Variants in TPTE observed in about 807,000 individuals in gnomAD.
TPTE encodes the protein transmembrane phosphatase with tensin homology.
TPTE carries 59 observed loss-of-function variants against 84.1 expected under a neutral mutation model. The observed-to-expected ratio is 0.70, with a 90% CI of 0.57 to 0.87. The LOEUF (loss-of-function observed/expected upper bound fraction) is 0.87. Ranked by LOEUF, TPTE falls within the 40% of genes least tolerant of loss-of-function variation. The pLI is 0.00. For missense variants in TPTE, 382 were observed against 659.6 expected, an observed-to-expected ratio of 0.58 and a Z score of 4.61; for synonymous variants, 130 against 223.5, an observed-to-expected ratio of 0.58 and a Z score of 3.73.
chr21:10,551,236 T>A (rs1447428997), intron 7 of TPTE, among the ~76,000 whole-genome samples: 1,508 of 133,428 alleles, frequency 0.011, no homozygotes, highest in African/African-American at 0.042. Context: ...AATTGAACAA[T>A]GAGAACACTC....
chr21:10,538,311 TGAA>T (rs1418122718), intron 3 of TPTE, among the ~76,000 whole-genome samples: 48 of 152,288 alleles, frequency 3.2e-4, no homozygotes, highest in Admixed American at 7.2e-4. Context: ...GACAATCAAG[TGAA>T]GAAGTAATGG....
chr21:10,523,110 T>G (rs1231819935), intron 1 of TPTE, among the ~76,000 whole-genome samples: 2 of 152,308 alleles, frequency 1.3e-5, no homozygotes, highest in Non-Finnish European at 2.9e-5. Flanking sequence ...CAAAGGAAGC[T>G]GAACACTTGA....
At chr21:10,603,529 C>A (rs765705438) in intron 22 of TPTE, 33 bp from the exon 23 acceptor site, 2 of 1,583,006 alleles carry the variant, frequency 1.3e-6, no homozygotes, top group Non-Finnish European at 8.6e-7. Context: ...TTCTTGGTAT[C>A]AGTTTTACTT....
At chr21:10,527,194 CAGA>C (rs1267702616) in intron 2 of TPTE, among the ~76,000 whole-genome samples, 158 bp from the exon 3 acceptor site, 1 of 152,290 alleles carries the variant, frequency 6.6e-6, no homozygotes, top group East Asian at 1.9e-4. Flanking sequence ...CACACAGTCT[CAGA>C]AGTACTAGTG....
chr21:10,542,862 C>T (rs2074396103), intron 6 of TPTE, among the ~76,000 whole-genome samples: 1 of 152,292 alleles, frequency 6.6e-6, no homozygotes, highest in African/African-American at 2.4e-5. Context: ...TTGCTTCTTC[C>T]TGTAATGTAT....
chr21:10,555,996 T>C lies in TPTE; in HGVS notation c.233+3280T>C, dbSNP rs534696896. On this transcript the variant is annotated intron_variant, in intron 8 of 23. Coordinates refer to ENST00000618007, the MANE Select transcript of TPTE (RefSeq NM_199261.4). ...TACTATTATTCATGATTTTATATTA[T>C]TTATCTTTACTTTTAGAATCATTTA... Among the ~76,000 whole-genome samples, 4 of 152,430 alleles carry C rather than the reference T, an allele frequency of 2.6e-5. No individual in the cohort carries two copies. In the South Asian group the frequency reaches 8.3e-4, roughly 32 times the overall value.
intron 8 of TPTE, among the ~76,000 whole-genome samples, chr21:10,557,771 G>T (rs144882033): frequency 1.3e-5 from 2 of 152,296 alleles, no homozygotes; most frequent in Non-Finnish European, 2.9e-5. Flanking sequence ...AGGTTTGGTG[G>T]TACACGTGAG....
intron 7 of TPTE, among the ~76,000 whole-genome samples, chr21:10,552,014 C>T (rs536629285): frequency 3.2e-3 from 487 of 152,246 alleles, no homozygotes; most frequent in African/African-American, 0.011. Flanking sequence ...CATTGTTGTC[C>T]TATTTTAAGA....
chr21:10,541,113 C>A lies in TPTE; in HGVS notation c.13C>A (p.Pro5Thr). 1 of 1,613,160 alleles carries A rather than the reference C, an allele frequency of 6.2e-7. No homozygotes were observed. The highest frequency in any genetic ancestry group is 1.3e-5 in the African/African-American group (1 of 75,050). Residue 5 changes from proline (P) to threonine (T), a missense_variant and splice_region_variant, in exon 5 of 24, where the codon CCT becomes ACT. Physicochemically the swap from Pro to Thr is conservative, Grantham distance 38. Transcript: ENST00000618007. MNES[P>T]DPTDLAGVII... The stretch of plus-strand genomic sequence containing the variant: ...ACTCTGACCATATTTGTCCTTTAGT[C>A]CTGATCCGACTGACCTGGCGGGAGT...
At chr21:10,544,267 T>A (rs2074425021) in intron 7 of TPTE, among the ~76,000 whole-genome samples, 1 of 152,306 alleles carries the variant, frequency 6.6e-6, no homozygotes, top group African/African-American at 2.4e-5. Flanking sequence ...CTGTAGTTGC[T>A]CATTAAGCAA....
At chr21:10,526,724 A>C (rs1357014666) in intron 2 of TPTE, among the ~76,000 whole-genome samples, 2 of 152,272 alleles carry the variant, frequency 1.3e-5, no homozygotes, top group African/African-American at 4.8e-5. Flanking sequence ...TTTATGGCAT[A>C]ATATATGGTG....
At chr21:10,564,636 G>T (rs1442667982) in intron 10 of TPTE, among the ~76,000 whole-genome samples, 1 of 152,312 alleles carries the variant, frequency 6.6e-6, no homozygotes, top group African/African-American at 2.4e-5. Context: ...AACAATATAT[G>T]GGAAAGATCA....
At chr21:10,553,702 CAG>C (rs1440420815) in intron 8 of TPTE, among the ~76,000 whole-genome samples, 33 of 152,286 alleles carry the variant, frequency 2.2e-4, no homozygotes, top group South Asian at 4.1e-4. Context: ...TGTTTCATAA[CAG>C]GGGGATGATA....
At chr21:10,558,652 T>C (rs996577735) in intron 8 of TPTE, among the ~76,000 whole-genome samples, 4 of 152,290 alleles carry the variant, frequency 2.6e-5, no homozygotes, top group Non-Finnish European at 4.4e-5. Flanking sequence ...GCTGTGAGCA[T>C]TGTCTTAGGA....
chr21:10,529,805 T>A (rs1230557767), intron 3 of TPTE, among the ~76,000 whole-genome samples: 2 of 152,306 alleles, frequency 1.3e-5, no homozygotes, highest in East Asian at 3.8e-4. Context: ...ATGTTAAAAC[T>A]ATTTTCAATG....
At chr21:10,536,383 G>A (rs1439560718) in intron 3 of TPTE, among the ~76,000 whole-genome samples, 1 of 152,310 alleles carries the variant, frequency 6.6e-6, no homozygotes. Context: ...CAAAAAGTAA[G>A]TTTAGAATTA....
intron 3 of TPTE, among the ~76,000 whole-genome samples, chr21:10,538,057 A>C (rs1047777701): frequency 1.3e-5 from 2 of 152,312 alleles, no homozygotes; most frequent in Middle Eastern, 6.3e-3. Flanking sequence ...CCTATATGTG[A>C]GACCTTACTA....
intron 21 of TPTE, among the ~76,000 whole-genome samples, chr21:10,599,280 C>T (rs541393048): frequency 5.8e-4 from 88 of 152,270 alleles, no homozygotes; most frequent in African/African-American, 2.0e-3. Flanking sequence ...GTTCTCACTG[C>T]CACTAATTGT....
In TPTE at chr21:10,605,657, TTATGTTTATA is replaced by T. The variant is rs1277365729; in HGVS notation, c.*122_*131del. 4.6e-5 allele frequency: 71 copies of T among 1,552,838 alleles called. No individual in the cohort carries two copies. The Middle Eastern group carries it at 8.5e-4, about 19-fold the overall frequency. ...CCTAAATGTTCCTTGAAGTATTTAT[TTATGTTTATA>T]TATGTTTATATATGTTCTTCATAAA... On this transcript the variant is annotated 3_prime_UTR_variant, in exon 24 of 24. Transcript: ENST00000618007.
Sources: gnomAD v4.1 joint callset for allele counts (sites outside exome capture counted in the v4.1 genomes callset) on GRCh38, gnomAD v4.1.1 for gene constraint, MANE v1.5 for transcripts, NCBI Gene and HGNC (gene_info 2026-07-23, HGNC 2026-07-21) for gene names.